Variants in RAB3A observed in about 807,000 individuals in gnomAD.
The protein encoded by RAB3A is RAB3A, member RAS oncogene family, also known as ras-related protein Rab-3A.
In RAB3A, 5 loss-of-function variants were observed where a neutral mutation model predicts 19.7. The ratio of observed to expected loss-of-function variants is 0.25; its 90% CI spans 0.13 to 0.53. RAB3A has a LOEUF of 0.53. Among genes scored for constraint, RAB3A ranks in the 20% least tolerant of loss-of-function variants. The pLI, the probability that RAB3A is intolerant of heterozygous loss-of-function variation, is 0.95. For missense variants in RAB3A, 189 were observed against 305.6 expected (o/e 0.62, Z 2.85); for synonymous variants, 119 against 122.1 (o/e 0.97, Z 0.17).
chr19:18,200,262 G>A, intron 3 of RAB3A, 65 bp downstream of exon 3: 1 of 1,372,050 alleles, frequency 7.3e-7, no homozygotes, highest in South Asian at 1.3e-5. Flanking sequence ...CAGCCTGGGT[G>A]ACAGAATAAA....
At position 18,202,230 on chromosome 19, in the gene RAB3A, T is replaced by C. The variant is rs1967623604; in HGVS notation, c.228+283A>G. On this transcript the variant is annotated intron_variant, in intron 2 of 4. Coordinates refer to ENST00000222256, the MANE Select transcript of RAB3A (RefSeq NM_002866.5). The surrounding 1 kb of genome is among the most constrained non-coding windows in gnomAD (Gnocchi z 4.2). ...CCTAGGGGACAGAGCAAGACCACCCTGTCTCAAAAAACAAACAAAAAAAGA... is the reference window on the plus strand; with the variant it reads ...CCTAGGGGACAGAGCAAGACCACCCCGTCTCAAAAAACAAACAAAAAAAGA... 4 of 381,456 alleles carry C rather than the reference T, an allele frequency of 1.0e-5. No homozygotes were observed. Among genetic ancestry groups the C allele is most frequent in the South Asian group, 9.5e-5 (4 of 42,118 alleles). 23.6% of individuals were successfully genotyped at this position (381,456 alleles called of 1,614,324 possible). A position where few individuals can be genotyped will look rare whatever the true frequency, so the allele number is the denominator to read the frequency against.
chr19:18,198,072 C>G (rs74960069), intron 4 of RAB3A, among the ~76,000 whole-genome samples: 1 of 151,508 alleles, frequency 6.6e-6, no homozygotes, highest in Non-Finnish European at 1.5e-5. Context: ...AATTGTGTCT[C>G]GTTGTCCTTA....
intron 3 of RAB3A, 53 bp from the exon 4 acceptor site, chr19:18,198,902 C>T (rs1967571058): frequency 6.3e-7 from 1 of 1,586,910 alleles, no homozygotes; most frequent in African/African-American, 1.3e-5. Flanking sequence ...CCCAGCTCCA[C>T]CCTGACGGGC....
In RAB3A at chr19:18,197,337, T is replaced by A; in HGVS notation, c.*133A>T. On this transcript the variant is annotated 3_prime_UTR_variant, in exon 5 of 5. Coordinates refer to ENST00000222256, the MANE Select transcript of RAB3A (RefSeq NM_002866.5). ...TCAATAAATAAATAAATAGCTACAA[T>A]AATAAATAAGGGTGACGGGCTAAGT... 1 of 808,166 alleles carries A rather than the reference T, an allele frequency of 1.2e-6. No individual in the cohort carries two copies. Among genetic ancestry groups the A allele is most frequent in the East Asian group, 2.8e-5 (1 of 35,340 alleles). The allele number at this position is 808,166 out of a possible 1,614,324, so 50.1% of individuals were successfully genotyped here. A position where few individuals can be genotyped will look rare whatever the true frequency, so the allele number is the denominator to read the frequency against.
intron 3 of RAB3A, among the ~76,000 whole-genome samples, 189 bp from the exon 4 acceptor site, chr19:18,199,038 A>G (rs117464129): frequency 1.3e-5 from 2 of 150,308 alleles, no homozygotes; most frequent in East Asian, 3.9e-4. Flanking sequence ...CTGACCCATT[A>G]TTGTTTCTGT....
At chr19:18,201,449 G>T (rs1033183306) in intron 2 of RAB3A, among the ~76,000 whole-genome samples, 7 of 151,794 alleles carry the variant, frequency 4.6e-5, no homozygotes, top group African/African-American at 1.7e-4. Context: ...AGCTGGGCTT[G>T]GTGGTGAGCC....
intron 3 of RAB3A, 129 bp downstream of exon 3, chr19:18,200,198 A>G (rs769790673): frequency 4.5e-5 from 29 of 645,600 alleles, no homozygotes; most frequent in Non-Finnish European, 6.2e-5. Flanking sequence ...CAGGAGGATC[A>G]CTTGAGCCCA....
rs1031993034 is a variant in RAB3A, at chr19:18,197,094, C to T, written c.*376G>A. 81 of 214,182 alleles carry T rather than the reference C, an allele frequency of 3.8e-4. 2 individuals are homozygous for T. Among genetic ancestry groups the T allele is most frequent in the Admixed American group, 3.6e-3 (65 of 18,282 alleles). 13.3% of individuals were successfully genotyped at this position (214,182 alleles called of 1,614,324 possible). A position where few individuals can be genotyped will look rare whatever the true frequency, so the allele number is the denominator to read the frequency against. The stretch of plus-strand genomic sequence containing the variant: ...GCAGGCCTGGCCACCTCCCATTGCC[C>T]GATCAGCCTGCTTTAGGGTGTCATC... On this transcript the variant is annotated 3_prime_UTR_variant, in exon 5 of 5. Transcript: ENST00000222256.
Position 18,198,844 on chromosome 19 carries a change from G to A in RAB3A, c.353C>T (p.Thr118Ile). Residue 118 changes from threonine (T) to isoleucine (I), a missense_variant, in exon 4 of 5, where the codon ACC becomes ATC. Physicochemically the swap from Thr to Ile is moderately conservative, Grantham distance 89. Transcript: ENST00000222256. The part of the protein sequence containing the change: ...ESFNAVQDWS[T>I]QIKTYSWDNA... ...GTCCCATGAGTAGGTCTTGATCTGGGTGGACCTATAGGAGGCACCAATGGG... is the reference window on the plus strand; with the variant it reads ...GTCCCATGAGTAGGTCTTGATCTGGATGGACCTATAGGAGGCACCAATGGG... 1 of 1,613,986 alleles carries A rather than the reference G, an allele frequency of 6.2e-7. No individual in the cohort carries two copies. Among genetic ancestry groups the A allele is most frequent in the Non-Finnish European group, 8.5e-7 (1 of 1,179,976 alleles).
At chr19:18,201,653 C>T (rs1967614513) in intron 2 of RAB3A, among the ~76,000 whole-genome samples, 1 of 152,140 alleles carries the variant, frequency 6.6e-6, no homozygotes, top group Non-Finnish European at 1.5e-5. Flanking sequence ...CTGAACTGGA[C>T]ACTGGGGACA....
In RAB3A at chr19:18,203,140, A is replaced by T. The variant is rs559756273; in HGVS notation, c.1-400T>A. Among the ~76,000 whole-genome samples, 7 of 152,216 alleles carry T rather than the reference A, an allele frequency of 4.6e-5. No individual in the cohort carries two copies. The South Asian group carries it at 1.2e-3, about 27-fold the overall frequency. On this transcript the variant is annotated intron_variant, in intron 1 of 4. Coordinates refer to ENST00000222256, the MANE Select transcript of RAB3A (RefSeq NM_002866.5). The stretch of plus-strand genomic sequence containing the variant: ...CGTGCACCGCGTGCATGGTCCCTCG[A>T]GGACGCGCATCTGCAGCCCCCGCTC...
intron 2 of RAB3A, 47 bp from the exon 3 acceptor site, chr19:18,200,492 C>T: frequency 6.8e-7 from 1 of 1,474,470 alleles, no homozygotes; most frequent in African/African-American, 1.4e-5. Flanking sequence ...ACATAAGGCC[C>T]TCGAAGAGGA....
rs368709538 is a variant in RAB3A, at chr19:18,199,763, A to T, written c.347+564T>A. ...GGTCTCGAACTCCCGACCTCAGGTG[A>T]TCCACCTGCCTCAGCCTCCCAAAGT... On this transcript the variant is annotated intron_variant, in intron 3 of 4. Transcript: ENST00000222256. Among the ~76,000 whole-genome samples, 17 of 151,828 alleles carry T rather than the reference A, an allele frequency of 1.1e-4. No individual in the cohort carries two copies. In the East Asian group the frequency reaches 3.1e-3, roughly 28 times the overall value.
chr19:18,198,876 T>G lies in RAB3A; in HGVS notation c.348-27A>C. ...TATAGGAGGCACCAATGGGGGCAGG[T>G]CAGGGCTTGGAGGATCCCAGCTCCA... is the stretch of plus-strand genomic sequence containing the variant. On this transcript the variant is annotated intron_variant, in intron 3 of 4. Transcript: ENST00000222256. The G allele has an allele frequency of 2.5e-6, 4 of 1,610,576 alleles. No homozygotes were observed. In the South Asian group the frequency reaches 3.3e-5, roughly 13 times the overall value.
intron 3 of RAB3A, among the ~76,000 whole-genome samples, chr19:18,199,977 TG>T (rs1371247953): frequency 6.6e-6 from 1 of 152,048 alleles, no homozygotes; most frequent in Non-Finnish European, 1.5e-5. Flanking sequence ...TCAGAGACAA[TG>T]GCCCCAGAAT....
intron 3 of RAB3A, 40 bp downstream of exon 3, chr19:18,200,282 CAAAGA>C (rs200826110): frequency 3.8e-5 from 57 of 1,497,122 alleles, no homozygotes; most frequent in Admixed American, 5.6e-5. Flanking sequence ...AACCCTCTCT[CAAAGA>C]AAAGAAAAGA....
Position 18,198,855 on chromosome 19 carries a change from G to A in RAB3A, c.348-6C>T, listed in dbSNP as rs755577735. 6.8e-6 allele frequency: 11 copies of A among 1,613,386 alleles called. No individual in the cohort carries two copies. Among genetic ancestry groups the A allele is most frequent in the East Asian group, 2.2e-5 (1 of 44,880 alleles). The stretch of plus-strand genomic sequence containing the variant: ...AGGTCTTGATCTGGGTGGACCTATA[G>A]GAGGCACCAATGGGGGCAGGTCAGG... On this transcript the variant is annotated splice_region_variant and splice_polypyrimidine_tract_variant and intron_variant, in intron 3 of 4. Transcript: ENST00000222256.
chr19:18,197,324 T>A lies in RAB3A; in HGVS notation c.*146A>T. The A allele has an allele frequency of 1.3e-6, 1 of 758,834 alleles. No homozygotes were observed. The highest frequency in any genetic ancestry group is 2.9e-5 in the East Asian group (1 of 34,776). 47.0% of individuals were successfully genotyped at this position (758,834 alleles called of 1,614,324 possible). On this transcript the variant is annotated 3_prime_UTR_variant, in exon 5 of 5. Transcript: ENST00000222256. ...CTGGGGGACATCTTCAATAAATAAA[T>A]AAATAGCTACAATAATAAATAAGGG...
rs773325705 is a variant in RAB3A at position 18,202,488 on chromosome 19, C to A, written c.228+25G>T. ...AGTACGGGAATCCAACCGAGCCGGG[C>A]GGGAGCCCTCCAGCTGGGACCCACC... is the stretch of plus-strand genomic sequence containing the variant. On this transcript the variant is annotated intron_variant, in intron 2 of 4. Coordinates refer to ENST00000222256, the MANE Select transcript of RAB3A (RefSeq NM_002866.5). This position sits in a 1 kb window ranked among gnomAD's most constrained non-coding sequence, Gnocchi z 4.2. The A allele has an allele frequency of 1.9e-6, 3 of 1,603,704 alleles. No homozygotes were observed. The highest frequency in any genetic ancestry group is 2.6e-6 in the Non-Finnish European group (3 of 1,171,008).
Sources: gnomAD v4.1 joint callset for allele counts (sites outside exome capture counted in the v4.1 genomes callset) on GRCh38, gnomAD v4.1.1 for gene constraint, Gnocchi (gnomAD v3.1) non-coding constraint, MANE v1.5 for transcripts, NCBI Gene and HGNC (gene_info 2026-07-23, HGNC 2026-07-21) for gene names.